Variants in CCDC178 observed in about 807,000 individuals in gnomAD.
CCDC178 encodes coiled-coil domain-containing protein 178.
Under a neutral mutation model 117.4 loss-of-function variants are expected in CCDC178, and 126 were observed. The observed-to-expected ratio is 1.07, with a 90% CI of 0.93 to 1.24. The LOEUF (loss-of-function observed/expected upper bound fraction) is 1.24. Among genes scored for constraint, CCDC178 ranks in the 50% most tolerant of loss-of-function variants. The pLI, the probability that CCDC178 is intolerant of heterozygous loss-of-function variation, is 0.00. For synonymous variants in CCDC178, 283 were observed against 313.4 expected, an observed-to-expected ratio of 0.90 and a Z score of 1.02; for missense variants, 1,030 against 986.9, an observed-to-expected ratio of 1.04 and a Z score of -0.59.
intron 20 of CCDC178, among the ~76,000 whole-genome samples, chr18:33,208,761 G>T (rs774403234): frequency 1.3e-5 from 2 of 152,032 alleles, no homozygotes; most frequent in Non-Finnish European, 2.9e-5. Flanking sequence ...ACATGAAAGT[G>T]TCAAAAATAA....
chr18:33,120,528 T>C (rs1425167655), intron 20 of CCDC178, among the ~76,000 whole-genome samples: 1 of 152,156 alleles, frequency 6.6e-6, no homozygotes, highest in Non-Finnish European at 1.5e-5. Context: ...ATTAACAATG[T>C]AATCATTGTT....
At chr18:33,071,017 A>G (rs1252113091) in intron 21 of CCDC178, among the ~76,000 whole-genome samples, 1 of 152,158 alleles carries the variant, frequency 6.6e-6, no homozygotes, top group Non-Finnish European at 1.5e-5. Context: ...GAATTAGAAA[A>G]TAAACAGCTC....
At chr18:33,265,891 T>C (rs2059807378) in intron 14 of CCDC178, among the ~76,000 whole-genome samples, 1 of 152,010 alleles carries the variant, frequency 6.6e-6, no homozygotes, top group African/African-American at 2.4e-5. Flanking sequence ...AGATTGTTGG[T>C]GGAGCAATGA....
intron 12 of CCDC178, among the ~76,000 whole-genome samples, chr18:33,276,916 CA>C (rs1425221336): frequency 6.6e-6 from 1 of 151,964 alleles, no homozygotes; most frequent in Non-Finnish European, 1.5e-5. Flanking sequence ...TACTCATTCC[CA>C]ATTTAAAAAA....
chr18:32,940,487 A>G (rs2054212300), intron 22 of CCDC178, among the ~76,000 whole-genome samples: 1 of 151,826 alleles, frequency 6.6e-6, no homozygotes, highest in African/African-American at 2.4e-5. Context: ...ACTATTATGA[A>G]TTATTATTAT....
chr18:33,198,467 C>T (rs1252430271), intron 20 of CCDC178, among the ~76,000 whole-genome samples: 4 of 152,106 alleles, frequency 2.6e-5, no homozygotes, highest in Non-Finnish European at 5.9e-5. Flanking sequence ...TTTATGAAAG[C>T]AGGACAAGGT....
chr18:33,171,289 C>A (rs2144424271), intron 20 of CCDC178, among the ~76,000 whole-genome samples: 1 of 152,280 alleles, frequency 6.6e-6, no homozygotes, highest in Non-Finnish European at 1.5e-5. Context: ...ATCAAACAAA[C>A]AGAAGGTGCA....
intron 20 of CCDC178, among the ~76,000 whole-genome samples, chr18:33,129,926 T>A (rs1387345315): frequency 6.6e-6 from 1 of 152,004 alleles, no homozygotes; most frequent in Non-Finnish European, 1.5e-5. Context: ...ATATATTTCA[T>A]AATATAAAAA....
chr18:33,299,317 T>C (rs2062146212), intron 11 of CCDC178, among the ~76,000 whole-genome samples: 1 of 152,100 alleles, frequency 6.6e-6, no homozygotes. Context: ...AACCAACTGA[T>C]TTTTGACAAA....
intron 19 of CCDC178, among the ~76,000 whole-genome samples, chr18:33,212,990 C>T (rs901301113): frequency 1.3e-5 from 2 of 151,966 alleles, no homozygotes; most frequent in African/African-American, 4.8e-5. Flanking sequence ...AAAATTAAAT[C>T]ACTTGCACAG....
intron 11 of CCDC178, among the ~76,000 whole-genome samples, chr18:33,300,625 T>A (rs557080137): frequency 5.9e-5 from 9 of 152,350 alleles, no homozygotes; most frequent in African/African-American, 1.4e-4. Flanking sequence ...AGATTACCCA[T>A]GTTACACCTG....
intron 20 of CCDC178, among the ~76,000 whole-genome samples, chr18:33,145,127 T>C (rs2058252732): frequency 1.3e-5 from 2 of 152,222 alleles, no homozygotes; most frequent in Admixed American, 1.3e-4. Flanking sequence ...CTAACCATTC[T>C]TGATCTAAAA....
chr18:33,154,852 A>C (rs992011728), intron 20 of CCDC178, among the ~76,000 whole-genome samples: 1 of 152,162 alleles, frequency 6.6e-6, no homozygotes, highest in African/African-American at 2.4e-5. Context: ...ACAGTCATAA[A>C]TATGTATAAA....
intron 2 of CCDC178, among the ~76,000 whole-genome samples, chr18:33,424,181 A>G (rs1327156104): frequency 6.6e-6 from 1 of 152,114 alleles, no homozygotes; most frequent in Admixed American, 6.5e-5. Flanking sequence ...GTCTTTATCT[A>G]TAGCTTAGCT....
chr18:32,958,348 AC>A (rs2054636354), intron 22 of CCDC178: 4 of 348,170 alleles, frequency 1.1e-5, no homozygotes, highest in Non-Finnish European at 2.1e-5. Context: ...TTCCTTATAT[AC>A]TTCTGGGAAA....
chr18:32,963,942 T>G (rs1281107289), intron 22 of CCDC178, among the ~76,000 whole-genome samples: 1 of 152,082 alleles, frequency 6.6e-6, no homozygotes, highest in Non-Finnish European at 1.5e-5. Flanking sequence ...ACATGATGTG[T>G]ATTGTATACA....
chr18:33,127,742 T>G (rs761052287), intron 20 of CCDC178, among the ~76,000 whole-genome samples: 1 of 152,072 alleles, frequency 6.6e-6, no homozygotes, highest in Non-Finnish European at 1.5e-5. Context: ...CCCTGATCAG[T>G]TGGTATTTTT....
intron 20 of CCDC178, among the ~76,000 whole-genome samples, chr18:33,150,523 A>T (rs1211396960): frequency 6.6e-6 from 1 of 152,192 alleles, no homozygotes; most frequent in East Asian, 1.9e-4. Context: ...GAGGAACACA[A>T]ATCAGCAAGA....
chr18:33,222,153 C>A (rs540308440), intron 18 of CCDC178, among the ~76,000 whole-genome samples: 2 of 152,110 alleles, frequency 1.3e-5, no homozygotes, highest in South Asian at 2.1e-4. Flanking sequence ...AAGATTCTAG[C>A]CGTTTAACAA....
Sources: allele counts gnomAD v4.1 joint callset (sites outside exome capture counted in the v4.1 genomes callset), GRCh38; gene constraint gnomAD v4.1.1; transcripts MANE v1.5; gene names NCBI Gene and HGNC (gene_info 2026-07-23, HGNC 2026-07-21).